MIER1: variants seen among roughly 807,000 people sequenced by gnomAD.
MIER1 encodes the protein MIER1 transcriptional regulator.
Under a neutral mutation model 75.7 loss-of-function variants are expected in MIER1, and 40 were observed. The ratio of observed to expected loss-of-function variants is 0.53; its 90% CI spans 0.41 to 0.69. MIER1 has a LOEUF of 0.69. MIER1 is among the 30% of genes least tolerant of loss of function. The probability of loss-of-function intolerance (pLI) is 0.00; values close to 1 mark genes in which losing one functional copy is unlikely to be tolerated. For missense variants in MIER1, 574 were observed against 680.2 expected (o/e 0.84, Z 1.74); for synonymous variants, 213 against 223.4 (o/e 0.95, Z 0.42).
chr1:66,950,632 T>C (rs185171425), intron 4 of MIER1, among the ~76,000 whole-genome samples: 38 of 152,338 alleles, frequency 2.5e-4, no homozygotes, highest in Non-Finnish European at 4.6e-4. Context: ...GCTAGATGTG[T>C]TCCATCCAGA....
chr1:66,978,428 A>G (rs888839043), intron 12 of MIER1, among the ~76,000 whole-genome samples: 3 of 152,180 alleles, frequency 2.0e-5, no homozygotes, highest in African/African-American at 7.2e-5. Context: ...ATCCCCCATT[A>G]TTCAAAGCTG....
chr1:66,941,741 C>T (rs907669659), intron 3 of MIER1, among the ~76,000 whole-genome samples: 9 of 152,038 alleles, frequency 5.9e-5, no homozygotes, highest in South Asian at 4.1e-4. Flanking sequence ...GAGGCCAAGA[C>T]GGATGGATCA....
chr1:66,954,722 T>C (rs901900684), intron 4 of MIER1, among the ~76,000 whole-genome samples: 1 of 151,756 alleles, frequency 6.6e-6, no homozygotes, highest in African/African-American at 2.4e-5. Flanking sequence ...TTTTTTTTTC[T>C]TGAGACAGAG....
intron 2 of MIER1, among the ~76,000 whole-genome samples, chr1:66,927,575 A>G (rs1478564109): frequency 6.6e-6 from 1 of 152,148 alleles, no homozygotes; most frequent in Non-Finnish European, 1.5e-5. Context: ...CCAAGTATAA[A>G]TATTAACTGT....
At chr1:66,967,472 A>G (rs1379214873) in intron 8 of MIER1, among the ~76,000 whole-genome samples, 1 of 152,136 alleles carries the variant, frequency 6.6e-6, no homozygotes, top group Admixed American at 6.6e-5. Context: ...AGCTTTGGCT[A>G]TTCTGAGTCT....
chr1:66,979,781 AG>A (rs1269923229), intron 12 of MIER1, among the ~76,000 whole-genome samples: 1 of 151,082 alleles, frequency 6.6e-6, no homozygotes, highest in Non-Finnish European at 1.5e-5. Flanking sequence ...TTTTTTTTAA[AG>A]ACGGAGTCTC....
Position 66,986,135 on chromosome 1 carries a change from A to G in MIER1, c.*1235A>G. 2.6e-6 allele frequency: 3 copies of G among 1,142,680 alleles called. No homozygotes were observed. The highest frequency in any genetic ancestry group is 3.2e-6 in the Non-Finnish European group (3 of 931,626). 70.8% of individuals were successfully genotyped at this position (1,142,680 alleles called of 1,614,324 possible). Reference sequence around the variant, plus strand: ...AGGCAGTATCGATTTTATGAAGAGAAAGTGAAGTTTGAAAACTTTTCAAAC... The same window carrying G: ...AGGCAGTATCGATTTTATGAAGAGAGAGTGAAGTTTGAAAACTTTTCAAAC... On this transcript the variant is annotated 3_prime_UTR_variant, in exon 14 of 14. Transcript: ENST00000401041.
Position 66,970,954 on chromosome 1 carries a change from G to T in MIER1, c.919G>T (p.Glu307Ter). The T allele has an allele frequency of 6.3e-7, 1 of 1,576,272 alleles. No homozygotes were observed. Among genetic ancestry groups the T allele is most frequent in the South Asian group, 1.2e-5 (1 of 83,410 alleles). The change falls in exon 9 of 14, where the codon GAA becomes TAA. Residue 307 changes from glutamate (E) to a stop codon, truncating the protein, a stop_gained. Coordinates refer to ENST00000401041, the MANE Select transcript of MIER1 (RefSeq NM_001077700.3). LOFTEE classifies it high-confidence loss of function. ...TGAAGGATCTCACATAAAAGACAAT[G>T]AACAGGTCTGTGAAAGAAACAACTG... ...IPEGSHIKDN[E>*]QALYELVKCN...
At chr1:66,971,852 T>C (rs1280616798) in intron 10 of MIER1, 116 bp downstream of exon 10, 3 of 547,570 alleles carry the variant, frequency 5.5e-6, no homozygotes. Flanking sequence ...GTTTGATAAA[T>C]ATTTACAAAA....
chr1:66,978,360 G>A (rs12130046), intron 12 of MIER1, among the ~76,000 whole-genome samples: 18,230 of 152,148 alleles, frequency 0.12, 1,271 homozygotes, highest in Non-Finnish European at 0.15. Flanking sequence ...CAATCTGAAA[G>A]AGAATAAATG....
chr1:66,986,128 GAA>G lies in MIER1; in HGVS notation c.*1229_*1230del. On this transcript the variant is annotated 3_prime_UTR_variant, in exon 14 of 14. Transcript: ENST00000401041. ...TGTTGGCAGGCAGTATCGATTTTAT[GAA>G]GAGAAAGTGAAGTTTGAAAACTTTT... The G allele has an allele frequency of 8.9e-7, 1 of 1,127,418 alleles. No individual in the cohort carries two copies. Among genetic ancestry groups the G allele is most frequent in the Non-Finnish European group, 1.1e-6 (1 of 921,544 alleles). 69.8% of individuals were successfully genotyped at this position (1,127,418 alleles called of 1,614,324 possible). A position where few individuals can be genotyped will look rare whatever the true frequency, so the allele number is the denominator to read the frequency against.
rs574025925 is a variant in MIER1 at position 66,973,807 on chromosome 1, T to A, written c.1101+816T>A. On this transcript the variant is annotated intron_variant, in intron 11 of 13. Transcript: ENST00000401041. ...CTTATGATTATCACATTATTTTTAGTTAGTAGAAATGACAAGGGTATTGGT... is the reference window on the plus strand; with the variant it reads ...CTTATGATTATCACATTATTTTTAGATAGTAGAAATGACAAGGGTATTGGT... 3.3e-5 allele frequency among the ~76,000 whole-genome samples: 5 copies of A among 152,196 alleles called. No individual in the cohort carries two copies. In the South Asian group the frequency reaches 1.0e-3, roughly 32 times the overall value.
chr1:66,978,632 A>G (rs546665714), intron 12 of MIER1, among the ~76,000 whole-genome samples: 14 of 152,240 alleles, frequency 9.2e-5, no homozygotes, highest in African/African-American at 3.1e-4. Flanking sequence ...GGGAAAAGCA[A>G]TAGTAACATC....
chr1:66,929,338 C>T (rs1652543743), intron 2 of MIER1, among the ~76,000 whole-genome samples: 1 of 152,192 alleles, frequency 6.6e-6, no homozygotes, highest in South Asian at 2.1e-4. Context: ...GAAATAAAGA[C>T]TTTCAAACTG....
At chr1:66,977,809 AT>A (rs751655597) in intron 12 of MIER1, among the ~76,000 whole-genome samples, 63 of 152,184 alleles carry the variant, frequency 4.1e-4, no homozygotes, top group African/African-American at 1.3e-3. Context: ...GAATAAAAAA[AT>A]AATGCAAAAT....
chr1:66,928,929 ACTGT>A (rs1211278183), intron 2 of MIER1: 12 of 1,609,424 alleles, frequency 7.5e-6, no homozygotes, highest in Non-Finnish European at 1.0e-5. Flanking sequence ...TGGTTTACAG[ACTGT>A]CTGTGGACTC....
chr1:66,929,306 A>G (rs1652535199), intron 2 of MIER1, among the ~76,000 whole-genome samples: 2 of 152,270 alleles, frequency 1.3e-5, no homozygotes, highest in Non-Finnish European at 2.9e-5. Context: ...CTTGAAGATT[A>G]GGAAAAAAAT....
rs139186011 is a variant in MIER1, at chr1:66,982,146, T to C, written c.1369+228T>C. ...AAAGCCTACTGTCAACAGTGACTAT[T>C]TCTTGTAAGAAATTTGTTCTTTTTC... On this transcript the variant is annotated intron_variant, in intron 13 of 13. Coordinates refer to ENST00000401041, the MANE Select transcript of MIER1 (RefSeq NM_001077700.3). 3.3e-5 allele frequency among the ~76,000 whole-genome samples: 5 copies of C among 152,370 alleles called. No individual in the cohort carries two copies. In the East Asian group the frequency reaches 9.6e-4, roughly 29 times the overall value.
At chr1:66,977,172 C>G (rs563507979) in intron 12 of MIER1, among the ~76,000 whole-genome samples, 1 of 151,646 alleles carries the variant, frequency 6.6e-6, no homozygotes, top group South Asian at 2.1e-4. Context: ...TGCAGTGGTG[C>G]AATCTCAGCT....
Sources: gnomAD v4.1 joint callset for allele counts (sites outside exome capture counted in the v4.1 genomes callset) on GRCh38, gnomAD v4.1.1 for gene constraint, MANE v1.5 for transcripts, NCBI Gene and HGNC (gene_info 2026-07-23, HGNC 2026-07-21) for gene names.